Variants in PLEKHH1 observed in about 807,000 individuals in gnomAD.
PLEKHH1 encodes the protein pleckstrin homology domain-containing family H member 1.
A neutral mutation model predicts 160.0 loss-of-function variants in PLEKHH1; 104 were observed. The observed-to-expected ratio is 0.65, with a 90% CI of 0.55 to 0.76. The LOEUF is 0.76. Ranked by LOEUF, PLEKHH1 falls within the 30% of genes least tolerant of loss-of-function variation. The probability of loss-of-function intolerance (pLI) is 0.00; values close to 1 mark genes in which losing one functional copy is unlikely to be tolerated. For synonymous variants in PLEKHH1, 619 were observed against 678.4 expected, an observed-to-expected ratio of 0.91 and a Z score of 1.36; for missense variants, 1,427 against 1,724.1, an observed-to-expected ratio of 0.83 and a Z score of 3.05.
intron 5 of PLEKHH1, 96 bp from the exon 6 acceptor site, chr14:67,561,858 A>T (rs1351835934): frequency 5.7e-6 from 5 of 884,772 alleles, no homozygotes; most frequent in Admixed American, 2.4e-5. Flanking sequence ...CAACAGAGCA[A>T]GACCCTGTCT....
Position 67,585,948 on chromosome 14 carries a change from C to T in PLEKHH1, c.3787-3C>T. 6.2e-7 allele frequency: 1 copy of T among 1,609,736 alleles called. No homozygotes were observed. Among genetic ancestry groups the T allele is most frequent in the Non-Finnish European group, 8.5e-7 (1 of 1,178,154 alleles). On this transcript the variant is annotated splice_region_variant and splice_polypyrimidine_tract_variant and intron_variant, in intron 27 of 28. Coordinates refer to ENST00000329153, the MANE Select transcript of PLEKHH1 (RefSeq NM_020715.3). ...CCCACAACTGACTGGTTCCTTTCCA[C>T]AGCAAGTGCACATCACTTACCCCTA... is the stretch of plus-strand genomic sequence containing the variant.
Position 67,586,054 on chromosome 14 carries a change from A to T in PLEKHH1, c.3890A>T (p.Lys1297Ile). Residue 1297 changes from lysine (K) to isoleucine (I), a missense_variant, in exon 28 of 29, where the codon AAA (lysine) becomes ATA (isoleucine). Coordinates refer to ENST00000329153, the MANE Select transcript of PLEKHH1 (RefSeq NM_020715.3). ...IRSIPDKSSGKSHIEKLIFRM... is the reference protein window; with the variant it reads ...IRSIPDKSSGISHIEKLIFRM... ...TCTATCCCAGACAAGAGCTCTGGAA[A>T]AAGCCACATTGAGAAGTTGATCTTC... 1 of 1,613,992 alleles carries T rather than the reference A, an allele frequency of 6.2e-7. No individual in the cohort carries two copies.
chr14:67,569,550 C>T lies in PLEKHH1; in HGVS notation c.1342+334C>T, dbSNP rs563625788. 2.0e-5 allele frequency among the ~76,000 whole-genome samples: 3 copies of T among 148,602 alleles called. No homozygotes were observed. In the South Asian group the frequency reaches 6.9e-4, roughly 34 times the overall value. On this transcript the variant is annotated intron_variant, in intron 8 of 28. Transcript: ENST00000329153. The stretch of plus-strand genomic sequence containing the variant: ...GAGGAGCCACAAGTGTCCTGATTTA[C>T]ATGAACCCCACTCACTGGCTCCTCT...
Position 67,585,813 on chromosome 14 carries a change from T to TGA in PLEKHH1, c.3787-138_3787-137insGA, listed in dbSNP as rs1291337002. On this transcript the variant is annotated intron_variant, in intron 27 of 28. Coordinates refer to ENST00000329153, the MANE Select transcript of PLEKHH1 (RefSeq NM_020715.3). ...CTCTAGTCTAGACACTGCTTGTAGA[T>TGA]ATTCAAGATGGAGATCTCCAAATTA... The TGA allele has an allele frequency of 4.7e-6, 5 of 1,054,050 alleles. No homozygotes were observed. The African/African-American group carries it at 8.0e-5, about 17-fold the overall frequency. 65.3% of individuals were successfully genotyped at this position (1,054,050 alleles called of 1,614,324 possible). A position where few individuals can be genotyped will look rare whatever the true frequency, so the allele number is the denominator to read the frequency against.
Position 67,578,169 on chromosome 14 carries a change from C to T in PLEKHH1, c.2721C>T (p.Cys907=). Residue 907 remains cysteine (C), a synonymous_variant, in exon 19 of 29, where the codon TGC becomes TGT. Transcript: ENST00000329153. This position sits in a 1 kb window ranked among gnomAD's most constrained non-coding sequence, Gnocchi z 5.0. ...IYCQLMKQTS[C]RPPQKYSLMQ... ...GCCAACTCATGAAGCAGACCAGCTG[C>T]CGCCCACCTCAGAAGTACTCCCTCA... 1 of 1,613,914 alleles carries T rather than the reference C, an allele frequency of 6.2e-7. No homozygotes were observed. Among genetic ancestry groups the T allele is most frequent in the Non-Finnish European group, 8.5e-7 (1 of 1,179,868 alleles).
rs774094208 is a variant in PLEKHH1, at chr14:67,587,299, G to A, written c.*64G>A. 1 of 1,576,758 alleles carries A rather than the reference G, an allele frequency of 6.3e-7. No homozygotes were observed. The highest frequency in any genetic ancestry group is 8.7e-7 in the Non-Finnish European group (1 of 1,146,082). On this transcript the variant is annotated 3_prime_UTR_variant, in exon 29 of 29. Transcript: ENST00000329153. ...TCTGGATTTAGAGATATATATCCTA[G>A]GGTATGATACTACTGTGACGGGTCT...
intron 1 of PLEKHH1, among the ~76,000 whole-genome samples, chr14:67,535,150 C>T (rs2140301648): frequency 6.6e-6 from 1 of 152,272 alleles, no homozygotes; most frequent in South Asian, 2.1e-4. Flanking sequence ...GTGAATGCCA[C>T]ATACATATGA....
chr14:67,545,123 C>T (rs764006722), intron 2 of PLEKHH1, among the ~76,000 whole-genome samples: 3 of 152,158 alleles, frequency 2.0e-5, no homozygotes, highest in Non-Finnish European at 4.4e-5. Context: ...AGCAATCAAG[C>T]TCTAGGGTGA....
Position 67,582,549 on chromosome 14 carries a change from T to C in PLEKHH1, c.3426+339T>C, listed in dbSNP as rs1409989204. ...ATAAAAAATACTTGGCCGGGAGCAG[T>C]GGCTCATGCCTGTAATGTCAGCACT... On this transcript the variant is annotated intron_variant, in intron 24 of 28. Transcript: ENST00000329153. This position sits in a 1 kb window ranked among gnomAD's most constrained non-coding sequence, Gnocchi z 5.0. 6.6e-6 allele frequency among the ~76,000 whole-genome samples: 1 copy of C among 152,196 alleles called. No individual in the cohort carries two copies. Among genetic ancestry groups the C allele is most frequent in the Non-Finnish European group, 1.5e-5 (1 of 68,026 alleles).
chr14:67,541,781 C>T (rs1459102985), intron 1 of PLEKHH1, 53 bp from the exon 2 acceptor site: 4 of 1,272,158 alleles, frequency 3.1e-6, no homozygotes, highest in Non-Finnish European at 4.3e-6. Flanking sequence ...CCCCACAGAA[C>T]TCTTCCTCAC....
chr14:67,576,048 T>G lies in PLEKHH1; in HGVS notation c.2352+43T>G, dbSNP rs778302463. The G allele has an allele frequency of 2.1e-6, 3 of 1,451,352 alleles. No homozygotes were observed. Among genetic ancestry groups the G allele is most frequent in the Non-Finnish European group, 2.8e-6 (3 of 1,055,304 alleles). The allele number at this position is 1,451,352 out of a possible 1,614,324, so 89.9% of individuals were successfully genotyped here. A position where few individuals can be genotyped will look rare whatever the true frequency, so the allele number is the denominator to read the frequency against. ...GCCTCCAGGGCCAAGCTTGGACCTG[T>G]GATTCTGATCTTCCCTTCTCTCTTT... On this transcript the variant is annotated intron_variant, in intron 16 of 28. Transcript: ENST00000329153. This position sits in a 1 kb window ranked among gnomAD's most constrained non-coding sequence, Gnocchi z 4.0.
intron 18 of PLEKHH1, 118 bp downstream of exon 18, chr14:67,577,532 C>T: frequency 1.5e-6 from 1 of 675,922 alleles, no homozygotes; most frequent in Non-Finnish European, 2.6e-6. Flanking sequence ...AAGGAAACTT[C>T]CCAGGGTCCC....
chr14:67,575,749 C>A, intron 15 of PLEKHH1, 74 bp from the exon 16 acceptor site: 2 of 1,101,216 alleles, frequency 1.8e-6, no homozygotes, highest in South Asian at 1.5e-5. Context: ...CTTCACGGAG[C>A]CTATGTATTC....
At chr14:67,566,027 T>A (rs1246583122) in intron 7 of PLEKHH1, among the ~76,000 whole-genome samples, 1 of 152,084 alleles carries the variant, frequency 6.6e-6, no homozygotes, top group Non-Finnish European at 1.5e-5. Flanking sequence ...CCTGAGGCAG[T>A]AGAATCGCTT....
intron 2 of PLEKHH1, among the ~76,000 whole-genome samples, chr14:67,546,670 G>A (rs1308704041): frequency 5.9e-5 from 9 of 152,308 alleles, no homozygotes; most frequent in South Asian, 4.1e-4. Context: ...GATTGCAGGC[G>A]TGAGCCACCG....
rs2034873620 is a variant in PLEKHH1 at position 67,562,229 on chromosome 14, A to G, written c.598A>G (p.Met200Val). ...SVPSEPGIQP[M>V]GQDSGSQAQG... ...CCCTTCAGAGCCGGGAATCCAGCCT[A>G]TGGGCCAGGACAGTGGCTCCCAGGC... Residue 200 changes from methionine to valine, a missense_variant, in exon 7 of 29, where the codon ATG becomes GTG. Transcript: ENST00000329153. 1.2e-6 allele frequency: 2 copies of G among 1,612,358 alleles called. No homozygotes were observed. The highest frequency in any genetic ancestry group is 1.7e-6 in the Non-Finnish European group (2 of 1,179,132).
At chr14:67,554,012 G>A (rs185433509) in intron 2 of PLEKHH1, among the ~76,000 whole-genome samples, 30 of 152,282 alleles carry the variant, frequency 2.0e-4, no homozygotes, top group Non-Finnish European at 5.9e-5. Context: ...GTCCCATATG[G>A]GTTGTAAGTC....
In PLEKHH1 at chr14:67,574,253, G is replaced by A. The variant is rs1363042727; in HGVS notation, c.1938G>A (p.Glu646=). 1.9e-6 allele frequency: 3 copies of A among 1,604,614 alleles called. No homozygotes were observed. Among genetic ancestry groups the A allele is most frequent in the Non-Finnish European group, 1.7e-6 (2 of 1,175,398 alleles). Residue 646 remains glutamate (E), a synonymous_variant, in exon 14 of 29, where the codon GAG becomes GAA. Transcript: ENST00000329153. The surrounding 1 kb of genome is among the most constrained non-coding windows in gnomAD (Gnocchi z 4.2). The part of the protein sequence containing the change: ...EGSQTFQLIS[E]KKTYYLTADS... ...CTCGCCCTCCACAGCTCATCTCTGA[G>A]AAGAAAACCTACTACCTGACGGCCG...
intron 3 of PLEKHH1, among the ~76,000 whole-genome samples, chr14:67,556,783 C>T (rs2034611785): frequency 1.3e-5 from 2 of 152,200 alleles, no homozygotes; most frequent in Non-Finnish European, 2.9e-5. Flanking sequence ...AAATGATGCA[C>T]CATTTCCACT....
Sources: allele counts gnomAD v4.1 joint callset (sites outside exome capture counted in the v4.1 genomes callset), GRCh38; gene constraint gnomAD v4.1.1; non-coding constraint Gnocchi (gnomAD v3.1); transcripts MANE v1.5; gene names NCBI Gene and HGNC (gene_info 2026-07-23, HGNC 2026-07-21).